Variants in ERC2 observed in about 807,000 individuals in gnomAD.
ERC2 encodes ELKS/RAB6-interacting/CAST family member 2, also known as ERC protein 2.
In ERC2, 42 loss-of-function variants were observed where a neutral mutation model predicts 114.8. That is an observed-to-expected ratio of 0.37 (90% confidence interval 0.29 to 0.47). The LOEUF is 0.47. Among genes scored for constraint, ERC2 ranks in the 20% least tolerant of loss-of-function variants. The probability of loss-of-function intolerance (pLI) is 0.99; values close to 1 mark genes in which losing one functional copy is unlikely to be tolerated. For synonymous variants in ERC2, 454 were observed against 425.5 expected (o/e 1.07, Z -0.82); for missense variants, 939 against 1,150.7 (o/e 0.82, Z 2.66).
chr3:56,384,165 G>T (rs1314244000), intron 2 of ERC2, among the ~76,000 whole-genome samples: 1 of 152,054 alleles, frequency 6.6e-6, no homozygotes, highest in Non-Finnish European at 1.5e-5. Flanking sequence ...TATGAACATG[G>T]GTGTACAAAT....
chr3:56,031,950 A>C (rs1273981611), intron 7 of ERC2, among the ~76,000 whole-genome samples: 1 of 152,224 alleles, frequency 6.6e-6, no homozygotes, highest in Non-Finnish European at 1.5e-5. Flanking sequence ...GAGGTGTTTC[A>C]GTCATGGGAG....
intron 15 of ERC2, among the ~76,000 whole-genome samples, chr3:55,715,409 A>G (rs2064057980): frequency 6.6e-6 from 1 of 152,198 alleles, no homozygotes; most frequent in Admixed American, 6.5e-5. Context: ...AATATCTTTT[A>G]ATAATACAGC....
intron 1 of ERC2, among the ~76,000 whole-genome samples, chr3:56,454,026 C>T (rs1425401813): frequency 1.3e-5 from 2 of 152,184 alleles, no homozygotes; most frequent in Admixed American, 6.5e-5. Context: ...CTCCTGCTAT[C>T]GTGATTCCAT....
chr3:55,656,651 G>T (rs962341726), intron 17 of ERC2, among the ~76,000 whole-genome samples: 1 of 152,194 alleles, frequency 6.6e-6, no homozygotes, highest in African/African-American at 2.4e-5. Context: ...AACTCTGAAA[G>T]ATGTATAGAC....
At chr3:55,513,279 C>T (rs569058839) in intron 17 of ERC2, among the ~76,000 whole-genome samples, 2 of 152,254 alleles carry the variant, frequency 1.3e-5, no homozygotes, top group Admixed American at 6.5e-5. Flanking sequence ...CCTGGCCATA[C>T]TGGCGAGGCC....
chr3:56,374,319 G>A (rs1321316209), intron 2 of ERC2, among the ~76,000 whole-genome samples: 4 of 152,092 alleles, frequency 2.6e-5, no homozygotes, highest in African/African-American at 7.2e-5. Flanking sequence ...GGATGGTCTC[G>A]ATCTCCTGAC....
At chr3:56,411,490 G>T (rs1391755911) in intron 2 of ERC2, among the ~76,000 whole-genome samples, 1 of 151,986 alleles carries the variant, frequency 6.6e-6, no homozygotes, top group Non-Finnish European at 1.5e-5. Context: ...GTGGAAAATA[G>T]CATACTTGCA....
intron 7 of ERC2, among the ~76,000 whole-genome samples, chr3:56,032,913 A>AAGAAAGAAAGAGAGAGAGAC (rs2074478047): frequency 4.4e-5 from 3 of 68,638 alleles, no homozygotes; most frequent in Non-Finnish European, 9.9e-5. Flanking sequence ...GAAAGAAAGA[A>AAGAAAGAAAGAGAGAGAGAC]AGAAAGAAAG....
chr3:55,718,648 A>G (rs755083130), intron 15 of ERC2, among the ~76,000 whole-genome samples: 8 of 152,200 alleles, frequency 5.3e-5, no homozygotes, highest in Non-Finnish European at 1.0e-4. Flanking sequence ...GGAAGTAAGG[A>G]CCAAGGTCAG....
chr3:55,767,590 G>A (rs1420007969), intron 14 of ERC2, among the ~76,000 whole-genome samples: 3 of 152,112 alleles, frequency 2.0e-5, no homozygotes, highest in East Asian at 3.9e-4. Context: ...CCTCTAAGAA[G>A]CCCGCCTAAT....
At chr3:55,784,397 T>C (rs1009694621) in intron 14 of ERC2, among the ~76,000 whole-genome samples, 8 of 152,330 alleles carry the variant, frequency 5.3e-5, no homozygotes, top group African/African-American at 7.2e-5. Context: ...ATAGGACTTA[T>C]CAAGTTTCTT....
chr3:55,846,117 A>T (rs773539024), intron 14 of ERC2, among the ~76,000 whole-genome samples: 66 of 152,306 alleles, frequency 4.3e-4, no homozygotes, highest in Non-Finnish European at 7.9e-4. Flanking sequence ...AATACCCAAT[A>T]GTTATTTTTT....
chr3:55,636,196 A>C (rs1415113442), intron 17 of ERC2, among the ~76,000 whole-genome samples: 5 of 152,222 alleles, frequency 3.3e-5, no homozygotes, highest in Admixed American at 3.3e-4. Flanking sequence ...ATTTATAAAA[A>C]TGTATTTTCA....
In ERC2 at chr3:56,453,301, C is replaced by T. The variant is rs534532981; in HGVS notation, c.-141+14947G>A. ...TGTGGGTAAAACATTCTTTTTTCTT[C>T]TCTACCATGAAGATAGGCTGTCCAA... On this transcript the variant is annotated intron_variant, in intron 1 of 17. Coordinates refer to ENST00000288221, the MANE Select transcript of ERC2 (RefSeq NM_015576.3). 1.1e-4 allele frequency among the ~76,000 whole-genome samples: 17 copies of T among 152,282 alleles called. No homozygotes were observed. In the East Asian group the frequency reaches 1.2e-3, roughly 10 times the overall value.
intron 13 of ERC2, among the ~76,000 whole-genome samples, chr3:55,936,825 A>G (rs2066472858): frequency 6.6e-6 from 1 of 152,180 alleles, no homozygotes. Context: ...GAAAAACAAC[A>G]TGACATCATC....
chr3:55,640,023 A>G (rs552872980), intron 17 of ERC2, among the ~76,000 whole-genome samples: 1 of 152,264 alleles, frequency 6.6e-6, no homozygotes, highest in Non-Finnish European at 1.5e-5. Flanking sequence ...CGGAGGGAGC[A>G]GCTTAACGAG....
chr3:56,191,684 T>G (rs1284072682), intron 3 of ERC2, among the ~76,000 whole-genome samples: 1 of 151,994 alleles, frequency 6.6e-6, no homozygotes, highest in Non-Finnish European at 1.5e-5. Context: ...CACATCACCC[T>G]CCAATCTCAT....
At chr3:55,607,124 G>A (rs887492305) in intron 17 of ERC2, among the ~76,000 whole-genome samples, 2 of 152,192 alleles carry the variant, frequency 1.3e-5, no homozygotes, top group Admixed American at 6.5e-5. Flanking sequence ...TAAGCATGGT[G>A]CCAGGCTCTG....
intron 16 of ERC2, among the ~76,000 whole-genome samples, chr3:55,698,503 T>C (rs1262732187): frequency 1.3e-5 from 2 of 152,146 alleles, no homozygotes; most frequent in East Asian, 3.9e-4. Context: ...ACACAGGTAA[T>C]TCTGACAACC....
Sources: gnomAD v4.1 joint callset for allele counts (sites outside exome capture counted in the v4.1 genomes callset) on GRCh38, gnomAD v4.1.1 for gene constraint, MANE v1.5 for transcripts, NCBI Gene and HGNC (gene_info 2026-07-23, HGNC 2026-07-21) for gene names.